PCSK2: variants seen among roughly 807,000 people sequenced by gnomAD.
PCSK2 encodes the protein neuroendocrine convertase 2.
A neutral mutation model predicts 69.7 loss-of-function variants in PCSK2; 14 were observed. That is an observed-to-expected ratio of 0.20 (90% CI 0.13 to 0.31). PCSK2 has a LOEUF of 0.31. Ranked by LOEUF, PCSK2 falls within the 10% of genes least tolerant of loss-of-function variation. The pLI is 1.00. For synonymous variants in PCSK2, 307 were observed against 320.7 expected (o/e 0.96, Z 0.46); for missense variants, 544 against 842.5 (o/e 0.65, Z 4.39).
At chr20:17,481,508 C>CTA in intron 11 of PCSK2, 76 bp from the exon 12 acceptor site, 1 of 1,438,366 alleles carries the variant, frequency 7.0e-7, no homozygotes, top group Non-Finnish European at 9.6e-7. Flanking sequence ...TTTCCGCCAC[C>CTA]TGAAGCTGCC....
chr20:17,280,262 T>A (rs2123043835), intron 2 of PCSK2, among the ~76,000 whole-genome samples: 1 of 152,376 alleles, frequency 6.6e-6, no homozygotes, highest in Non-Finnish European at 1.5e-5. Context: ...ATTGAATTTT[T>A]CTTATTAATG....
At chr20:17,408,857 G>A (rs2031810620) in intron 5 of PCSK2, among the ~76,000 whole-genome samples, 1 of 152,202 alleles carries the variant, frequency 6.6e-6, no homozygotes, top group African/African-American at 2.4e-5. Context: ...GGAAACTCTA[G>A]AGGCCATCTC....
rs1285666761 is a variant in PCSK2, at chr20:17,314,904, T to C, written c.283-43423T>C. On this transcript the variant is annotated intron_variant, in intron 2 of 11. Coordinates refer to ENST00000262545, the MANE Select transcript of PCSK2 (RefSeq NM_002594.5). The stretch of plus-strand genomic sequence containing the variant: ...TAATGTTATTTTTGTGTTAGCAAAA[T>C]TGCTCTTCAGGAATATGCTGATGGC... Among the ~76,000 whole-genome samples, 4 of 152,294 alleles carry C rather than the reference T, an allele frequency of 2.6e-5. No homozygotes were observed. In the East Asian group the frequency reaches 7.7e-4, roughly 29 times the overall value.
At chr20:17,343,917 T>C (rs1331684291) in intron 2 of PCSK2, among the ~76,000 whole-genome samples, 1 of 152,218 alleles carries the variant, frequency 6.6e-6, no homozygotes. Flanking sequence ...CTTTTAGACC[T>C]CTGATTCCTA....
intron 8 of PCSK2, among the ~76,000 whole-genome samples, chr20:17,452,322 C>A (rs577004706): frequency 3.9e-5 from 6 of 152,128 alleles, no homozygotes; most frequent in Non-Finnish European, 8.8e-5. Flanking sequence ...AGTTTTCCAG[C>A]ATAGATTTAC....
chr20:17,328,906 C>A (rs1013359443), intron 2 of PCSK2, among the ~76,000 whole-genome samples: 1 of 152,162 alleles, frequency 6.6e-6, no homozygotes, highest in African/African-American at 2.4e-5. Context: ...CTAAACTTTG[C>A]CAGAACACAG....
chr20:17,303,477 A>ATTTT (rs1989189399), intron 2 of PCSK2, among the ~76,000 whole-genome samples: 1 of 49,856 alleles, frequency 2.0e-5, no homozygotes, highest in African/African-American at 8.1e-5. Context: ...TATATTATAT[A>ATTTT]TAATATATAT....
chr20:17,317,921 G>A (rs1001626944), intron 2 of PCSK2, among the ~76,000 whole-genome samples: 3 of 152,194 alleles, frequency 2.0e-5, no homozygotes, highest in Non-Finnish European at 4.4e-5. Flanking sequence ...AATAGCTTGA[G>A]GGTTGCCTGC....
chr20:17,372,760 G>A (rs927559759), intron 5 of PCSK2, among the ~76,000 whole-genome samples: 4 of 152,230 alleles, frequency 2.6e-5, no homozygotes, highest in Admixed American at 6.5e-5. Context: ...TAACTACCTC[G>A]TGCTTGATTC....
intron 4 of PCSK2, among the ~76,000 whole-genome samples, chr20:17,368,779 C>T (rs1242843132): frequency 6.6e-6 from 1 of 152,198 alleles, no homozygotes; most frequent in Non-Finnish European, 1.5e-5. Flanking sequence ...CACTGGAAAC[C>T]ATTTGCCCTT....
At chr20:17,423,516 A>G (rs2032178864) in intron 6 of PCSK2, among the ~76,000 whole-genome samples, 1 of 152,208 alleles carries the variant, frequency 6.6e-6, no homozygotes, top group African/African-American at 2.4e-5. Context: ...AGGATTGGAA[A>G]AAGATCTGGA....
rs372764216 is a variant in PCSK2 at position 17,429,355 on chromosome 20, A to C, written c.621-80A>C. 5.0e-6 allele frequency: 5 copies of C among 992,916 alleles called. No individual in the cohort carries two copies. The African/African-American group carries it at 8.0e-5, about 16-fold the overall frequency. The allele number at this position is 992,916 out of a possible 1,614,324, so 61.5% of individuals were successfully genotyped here. On this transcript the variant is annotated intron_variant, in intron 6 of 11. Transcript: ENST00000262545. Reference sequence around the variant, plus strand: ...GATACGCAGATTTCATTTTTGTTCCAAAGAGAATTTTGAGCCCATGAGAGA... The same window carrying C: ...GATACGCAGATTTCATTTTTGTTCCCAAGAGAATTTTGAGCCCATGAGAGA...
At chr20:17,240,430 A>C (rs1270449854) in intron 1 of PCSK2, among the ~76,000 whole-genome samples, 1 of 152,082 alleles carries the variant, frequency 6.6e-6, no homozygotes, top group African/African-American at 2.4e-5. Flanking sequence ...GGGAACTTCA[A>C]ATCTCTCATA....
intron 4 of PCSK2, among the ~76,000 whole-genome samples, chr20:17,361,672 G>A (rs1239799572): frequency 1.3e-5 from 2 of 152,192 alleles, no homozygotes; most frequent in African/African-American, 4.8e-5. Flanking sequence ...ACCAAGAGGA[G>A]CCAGCCTGCT....
At chr20:17,466,626 T>C (rs917765747) in intron 11 of PCSK2, among the ~76,000 whole-genome samples, 29 of 152,224 alleles carry the variant, frequency 1.9e-4, no homozygotes, top group Non-Finnish European at 3.4e-4. Flanking sequence ...TCCTCCTTGA[T>C]GCATTAGTAA....
intron 8 of PCSK2, among the ~76,000 whole-genome samples, chr20:17,437,161 C>T (rs2032501679): frequency 6.6e-6 from 1 of 152,178 alleles, no homozygotes; most frequent in African/African-American, 2.4e-5. Context: ...TCTCAGACAG[C>T]AGTCCCCACG....
intron 5 of PCSK2, among the ~76,000 whole-genome samples, chr20:17,403,489 T>A (rs1005137813): frequency 1.2e-4 from 19 of 152,220 alleles, no homozygotes; most frequent in Admixed American, 3.3e-4. Flanking sequence ...TGGACTGGGC[T>A]ATTTTGCTTC....
intron 2 of PCSK2, among the ~76,000 whole-genome samples, chr20:17,279,532 GTGGTGGCTCACGCCTGT>G (rs926305151): frequency 1.3e-5 from 2 of 151,566 alleles, no homozygotes; most frequent in South Asian, 2.1e-4. Context: ...GTGTGGCCCA[GTGGTGGCTCACGCCTGT>G]AATCCCAGCA....
chr20:17,474,359 G>C (rs1287885284), intron 11 of PCSK2, among the ~76,000 whole-genome samples: 1 of 152,076 alleles, frequency 6.6e-6, no homozygotes, highest in Non-Finnish European at 1.5e-5. Context: ...AGTGTCCAAG[G>C]CTTCTAGGAA....
Sources: allele counts gnomAD v4.1 joint callset (sites outside exome capture counted in the v4.1 genomes callset), GRCh38; gene constraint gnomAD v4.1.1; transcripts MANE v1.5; gene names NCBI Gene and HGNC (gene_info 2026-07-23, HGNC 2026-07-21).